NLRP13: variants seen among roughly 807,000 people sequenced by gnomAD.
The protein encoded by NLRP13 is NLR family pyrin domain containing 13, also known as NACHT, LRR and PYD domains-containing protein 13.
In NLRP13, 82 loss-of-function variants were observed where a neutral mutation model predicts 94.4. The ratio of observed to expected loss-of-function variants is 0.87; its 90% CI spans 0.73 to 1.04. The LOEUF (loss-of-function observed/expected upper bound fraction) is 1.04, where lower values mean the gene tolerates loss of function less well. Among genes scored for constraint, NLRP13 ranks in the 50% least tolerant of loss-of-function variants. The probability of loss-of-function intolerance (pLI) is 0.00; values close to 1 mark genes in which losing one functional copy is unlikely to be tolerated. For synonymous variants in NLRP13, 553 were observed against 464.7 expected, an observed-to-expected ratio of 1.19 and a Z score of -2.45; for missense variants, 1,426 against 1,230.8, an observed-to-expected ratio of 1.16 and a Z score of -2.37.
chr19:55,927,005 CA>C, intron 1 of NLRP13, among the ~76,000 whole-genome samples: 1 of 151,378 alleles, frequency 6.6e-6, no homozygotes, highest in African/African-American at 2.4e-5. Flanking sequence ...AAAGGGGTAG[CA>C]ACCTAAACTT....
chr19:55,905,409 ATATATACACG>A, intron 7 of NLRP13, among the ~76,000 whole-genome samples: 1 of 150,624 alleles, frequency 6.6e-6, no homozygotes, highest in Non-Finnish European at 1.5e-5. Flanking sequence ...ATACATACAT[ATATATACACG>A]TATATATACA....
intron 6 of NLRP13, among the ~76,000 whole-genome samples, chr19:55,908,942 C>T (rs1385593807): frequency 1.3e-5 from 2 of 152,178 alleles, no homozygotes; most frequent in African/African-American, 4.8e-5. Context: ...AAGGCCACAG[C>T]CCCCTCTGCC....
Position 55,912,918 on chromosome 19 carries a change from A to G in NLRP13, c.899T>C (p.Met300Thr), listed in dbSNP as rs774939659. The G allele has an allele frequency of 5.5e-5, 89 of 1,614,064 alleles. No individual in the cohort carries two copies. Among genetic ancestry groups the G allele is most frequent in the Non-Finnish European group, 7.1e-5 (84 of 1,180,006 alleles). ...PDFDAPIEEF[M>T]SQPEKLLFII... is the part of the protein sequence containing the mutation. ...AAACAGGAGCTTCTCTGGTTGAGAC[A>G]TGAACTCTTCAATGGGGGCATCAAA... The change falls in exon 5 of 11, where the codon ATG (methionine) becomes ACG (threonine). Residue 300 changes from methionine (M) to threonine (T), a missense_variant. Physicochemically the swap from Met to Thr is moderately conservative, Grantham distance 81 (BLOSUM62 -1). Transcript: ENST00000342929.
chr19:55,902,318 C>G, intron 8 of NLRP13, 113 bp from the exon 9 acceptor site: 1 of 845,064 alleles, frequency 1.2e-6, no homozygotes, highest in Non-Finnish European at 1.8e-6. Context: ...GCTCCCTGGA[C>G]GACAAGGTCT....
chr19:55,928,945 A>T (rs1987036180), intron 1 of NLRP13, among the ~76,000 whole-genome samples: 1 of 152,142 alleles, frequency 6.6e-6, no homozygotes, highest in South Asian at 2.1e-4. Flanking sequence ...CAAGAAAAAA[A>T]AATCTCATCA....
rs143926098 is a variant in NLRP13, at chr19:55,912,619, C to G, written c.1198G>C (p.Asp400His). ...ATTTTCTCAACTTCACTTGAGTCAT[C>G]AAAGTGTCTCATGAAATATACCCGT... Reference protein sequence around the residue: ...DLRVYFMRHFDDSSEVEKILQ... With the variant: ...DLRVYFMRHFHDSSEVEKILQ... The change falls in exon 5 of 11, where the codon GAT becomes CAT. Residue 400 changes from aspartate to histidine, a missense_variant. Transcript: ENST00000342929. The G allele has an allele frequency of 3.7e-6, 6 of 1,614,168 alleles. No homozygotes were observed. The South Asian group carries it at 5.5e-5, about 15-fold the overall frequency.
rs1985998969 is a variant in NLRP13, at chr19:55,896,044, G to A, written c.3033C>T (p.Val1011=). 1 of 1,614,070 alleles carries A rather than the reference G, an allele frequency of 6.2e-7. No individual in the cohort carries two copies. The highest frequency in any genetic ancestry group is 8.5e-7 in the Non-Finnish European group (1 of 1,180,038). ...ATTCATTGCCTAGAAGGTTCAGATTGACCAGGCTCTTACTGCTGCTGAGAA... is the reference window on the plus strand; with the variant it reads ...ATTCATTGCCTAGAAGGTTCAGATTAACCAGGCTCTTACTGCTGCTGAGAA... ...FSVLSSSKSL[V]NLNLLGNELD... is the part of the protein sequence containing the mutation. The change falls in exon 11 of 11, where the codon GTC becomes GTT. Residue 1011 remains valine (V), a synonymous_variant. Transcript: ENST00000342929.
chr19:55,906,039 G>T (rs978733412), intron 7 of NLRP13, among the ~76,000 whole-genome samples: 1 of 152,070 alleles, frequency 6.6e-6, no homozygotes, highest in Non-Finnish European at 1.5e-5. Context: ...GACCTAAGGT[G>T]GTAGGAAGAA....
chr19:55,897,483 G>A (rs543257741), intron 10 of NLRP13, among the ~76,000 whole-genome samples: 2 of 152,174 alleles, frequency 1.3e-5, no homozygotes, highest in East Asian at 1.9e-4. Flanking sequence ...TCCAGCCTGG[G>A]TGACAGAGTG....
chr19:55,893,179 G>A (rs147284850), downstream of NLRP13, among the ~76,000 whole-genome samples: 2,123 of 152,088 alleles, frequency 0.014, 55 homozygotes, highest in African/African-American at 0.048. Flanking sequence ...ACCTGAGGTC[G>A]GCAGTTCTAG....
At chr19:55,916,806 T>G (rs1309724202) in intron 4 of NLRP13, among the ~76,000 whole-genome samples, 1 of 151,994 alleles carries the variant, frequency 6.6e-6, no homozygotes, top group African/African-American at 2.4e-5. Context: ...TGGAAATAAT[T>G]GAGAAAAACT....
intron 6 of NLRP13, among the ~76,000 whole-genome samples, chr19:55,908,354 A>G (rs1986412852): frequency 6.6e-6 from 1 of 152,202 alleles, no homozygotes; most frequent in Admixed American, 6.5e-5. Context: ...CTTGAGAACT[A>G]AGTACGACCA....
chr19:55,918,282 A>G (rs1305347144), intron 4 of NLRP13, among the ~76,000 whole-genome samples: 1 of 151,442 alleles, frequency 6.6e-6, no homozygotes, highest in East Asian at 1.9e-4. Context: ...TATAGCATTA[A>G]ATGCTTACAT....
At chr19:55,915,086 G>A (rs371192722) in intron 4 of NLRP13, among the ~76,000 whole-genome samples, 2 of 152,202 alleles carry the variant, frequency 1.3e-5, no homozygotes, top group East Asian at 3.9e-4. Context: ...TTGAGCAAAG[G>A]GTACAAAGTT....
intron 4 of NLRP13, among the ~76,000 whole-genome samples, chr19:55,913,569 A>AAAAAAAAAAAAAAAAAAAAAAT: frequency 6.8e-6 from 1 of 147,774 alleles, no homozygotes; most frequent in Non-Finnish European, 1.5e-5. Context: ...AAAAAAAAAA[A>AAAAAAAAAAAAAAAAAAAAAAT]AAGTTGCAAA....
In NLRP13 at chr19:55,907,419, A is replaced by G. The variant is rs545715429; in HGVS notation, c.2447+373T>C. Among the ~76,000 whole-genome samples the G allele has an allele frequency of 5.9e-5, 9 of 152,182 alleles. No individual in the cohort carries two copies. In the South Asian group the frequency reaches 1.9e-3, roughly 32 times the overall value. ...AAACCCCATTTCTACAAAAAGTACA[A>G]AAATTCACTGGGTGTGGTGGCACAC... On this transcript the variant is annotated intron_variant, in intron 7 of 10. Coordinates refer to ENST00000342929, the MANE Select transcript of NLRP13 (RefSeq NM_176810.2).
rs377401986 is a variant in NLRP13 at position 55,898,868 on chromosome 19, A to G, written c.2859T>C (p.Asn953=). 10 of 1,613,970 alleles carry G rather than the reference A, an allele frequency of 6.2e-6. No individual in the cohort carries two copies. The African/African-American group carries it at 1.1e-4, about 17-fold the overall frequency. The change falls in exon 10 of 11, where the codon AAT becomes AAC. Residue 953 remains asparagine (N), a synonymous_variant. Transcript: ENST00000342929. ...TTTCTCCCAAATCCAAGATTTTCACATTATGATTATGGCTGAGGGCATTAG... is the reference window on the plus strand; with the variant it reads ...TTTCTCCCAAATCCAAGATTTTCACGTTATGATTATGGCTGAGGGCATTAG... ...ELANALSHNH[N]VKILDLGEND...
intron 2 of NLRP13, 89 bp downstream of exon 2, chr19:55,924,878 A>G: frequency 8.5e-7 from 1 of 1,169,926 alleles, no homozygotes; most frequent in East Asian, 2.4e-5. Flanking sequence ...TAAATTCAAG[A>G]AATTTCAGAG....
chr19:55,911,630 G>C, intron 5 of NLRP13, 76 bp downstream of exon 5: 3 of 1,358,902 alleles, frequency 2.2e-6, no homozygotes, highest in Non-Finnish European at 3.0e-6. Context: ...CACATCCCTG[G>C]TTTTGCATGA....
Sources: allele counts gnomAD v4.1 joint callset (sites outside exome capture counted in the v4.1 genomes callset), GRCh38; gene constraint gnomAD v4.1.1; transcripts MANE v1.5; gene names NCBI Gene and HGNC (gene_info 2026-07-23, HGNC 2026-07-21).